The following FRMD5 variants were observed in gnomAD, a reference collection of about 807,000 sequenced individuals.
FRMD5 encodes FERM domain-containing protein 5.
FRMD5 carries 20 observed loss-of-function variants against 69.0 expected under a neutral mutation model. The observed-to-expected ratio is 0.29, with a 90% CI of 0.20 to 0.42. The LOEUF is 0.42. Among genes scored for constraint, FRMD5 ranks in the 10% least tolerant of loss-of-function variants. FRMD5 has a pLI of 1.00. For synonymous variants in FRMD5, 271 were observed against 260.1 expected (o/e 1.04, Z -0.40); for missense variants, 595 against 708.6 (o/e 0.84, Z 1.82).
intron 1 of FRMD5, among the ~76,000 whole-genome samples, chr15:44,108,103 A>G (rs1307566181): frequency 6.6e-6 from 1 of 152,246 alleles, no homozygotes; most frequent in Non-Finnish European, 1.5e-5. Context: ...GGTTTCTTAC[A>G]TTTTTAAAAG....
At chr15:43,984,540 A>G (rs1440259703) in intron 1 of FRMD5, among the ~76,000 whole-genome samples, 2 of 152,248 alleles carry the variant, frequency 1.3e-5, no homozygotes, top group Non-Finnish European at 2.9e-5. Context: ...CTGCTTTCCC[A>G]TTCACTACAG....
At chr15:43,893,131 A>C (rs549772428) in intron 7 of FRMD5, among the ~76,000 whole-genome samples, 35 of 151,434 alleles carry the variant, frequency 2.3e-4, no homozygotes, top group South Asian at 4.2e-4. Context: ...GAAAAAACAA[A>C]AAAAAAAAAA....
At chr15:44,000,241 T>A (rs1351411545) in intron 1 of FRMD5, among the ~76,000 whole-genome samples, 1 of 151,688 alleles carries the variant, frequency 6.6e-6, no homozygotes, top group Non-Finnish European at 1.5e-5. Flanking sequence ...TCCTGCTCAG[T>A]CTCCCAAAAT....
chr15:44,036,815 G>C (rs1891935391), intron 1 of FRMD5, among the ~76,000 whole-genome samples: 1 of 152,104 alleles, frequency 6.6e-6, no homozygotes. Context: ...AGCAGTGCTG[G>C]TGAGCATCCT....
intron 1 of FRMD5, among the ~76,000 whole-genome samples, chr15:44,148,510 A>T (rs1018015342): frequency 6.6e-6 from 1 of 152,076 alleles, no homozygotes; most frequent in African/African-American, 2.4e-5. Context: ...TGACCTCATG[A>T]TCCGCCCGCC....
chr15:44,077,185 A>G (rs546234258), intron 1 of FRMD5, among the ~76,000 whole-genome samples: 1 of 152,262 alleles, frequency 6.6e-6, no homozygotes, highest in East Asian at 1.9e-4. Context: ...TTTAGGAATA[A>G]ATTGTCATTA....
At chr15:44,059,512 T>C (rs1233958990) in intron 1 of FRMD5, among the ~76,000 whole-genome samples, 19 of 152,122 alleles carry the variant, frequency 1.2e-4, no homozygotes, top group Non-Finnish European at 1.5e-5. Context: ...GGTCACTATA[T>C]TTCTTTCTTT....
intron 1 of FRMD5, among the ~76,000 whole-genome samples, chr15:44,181,103 G>A (rs1442536353): frequency 6.6e-6 from 1 of 152,140 alleles, no homozygotes; most frequent in African/African-American, 2.4e-5. Context: ...ACAGTGGTCT[G>A]ATGACAACTC....
intron 1 of FRMD5, among the ~76,000 whole-genome samples, chr15:44,048,122 C>T (rs1892508162): frequency 6.6e-6 from 1 of 152,080 alleles, no homozygotes; most frequent in Non-Finnish European, 1.5e-5. Context: ...TAGAGTTTAA[C>T]TTATTGAGGA....
At chr15:44,138,299 A>G (rs1307305764) in intron 1 of FRMD5, among the ~76,000 whole-genome samples, 1 of 152,268 alleles carries the variant, frequency 6.6e-6, no homozygotes, top group East Asian at 1.9e-4. Context: ...AAAAATAGCC[A>G]TAAAACATAG....
chr15:43,918,420 G>C (rs2089434305), intron 4 of FRMD5, among the ~76,000 whole-genome samples: 1 of 152,146 alleles, frequency 6.6e-6, no homozygotes, highest in Admixed American at 6.6e-5. Flanking sequence ...GCGAAACTCT[G>C]TCTCAAAAAA....
chr15:43,874,422 C>T lies in FRMD5; in HGVS notation c.1176G>A (p.Val392=), dbSNP rs142028258. ...SLRDSAHSTP[V]RSTSHGDTFL... Reference sequence around the variant, plus strand: ...AGGTGTCCCCATGGGAAGTGGAACGCACTGGTGTGGAATGGGCACTGTCCC... The same window carrying T: ...AGGTGTCCCCATGGGAAGTGGAACGTACTGGTGTGGAATGGGCACTGTCCC... Residue 392 remains valine (V), a synonymous_variant, in exon 14 of 14, where the codon GTG becomes GTA. Transcript: ENST00000417257. 2 of 1,614,188 alleles carry T rather than the reference C, an allele frequency of 1.2e-6. No homozygotes were observed. The highest frequency in any genetic ancestry group is 1.1e-5 in the South Asian group (1 of 91,086).
At chr15:44,094,980 T>C (rs2076529874) in intron 1 of FRMD5, among the ~76,000 whole-genome samples, 1 of 152,018 alleles carries the variant, frequency 6.6e-6, no homozygotes, top group Non-Finnish European at 1.5e-5. Flanking sequence ...GATGCATTAC[T>C]CACTGGACCC....
At chr15:44,091,428 A>T (rs2076471623) in intron 1 of FRMD5, among the ~76,000 whole-genome samples, 1 of 152,208 alleles carries the variant, frequency 6.6e-6, no homozygotes. Context: ...CCTTAAGAAC[A>T]TAAAACATAA....
intron 1 of FRMD5, among the ~76,000 whole-genome samples, chr15:43,999,664 A>G (rs1467497946): frequency 3.3e-5 from 5 of 151,804 alleles, no homozygotes; most frequent in Non-Finnish European, 5.9e-5. Context: ...TAGATTCCAC[A>G]TATGTGAGAT....
intron 1 of FRMD5, among the ~76,000 whole-genome samples, chr15:44,045,899 C>G (rs1036980997): frequency 6.6e-6 from 1 of 152,170 alleles, no homozygotes; most frequent in African/African-American, 2.4e-5. Context: ...AGGGCTTGAA[C>G]AAGATCTGTT....
At chr15:44,076,006 G>C (rs1209581065) in intron 1 of FRMD5, among the ~76,000 whole-genome samples, 6 of 152,036 alleles carry the variant, frequency 3.9e-5, no homozygotes, top group African/African-American at 1.4e-4. Flanking sequence ...ACTTTTTGAT[G>C]GGGTTGTTTG....
chr15:43,968,248 G>T (rs2090325306), intron 1 of FRMD5, among the ~76,000 whole-genome samples: 1 of 151,896 alleles, frequency 6.6e-6, no homozygotes, highest in African/African-American at 2.4e-5. Context: ...CCCACATCAT[G>T]TCATAATCCT....
At chr15:43,921,676 G>C (rs1271275331) in intron 2 of FRMD5, among the ~76,000 whole-genome samples, 1 of 152,206 alleles carries the variant, frequency 6.6e-6, no homozygotes, top group Admixed American at 6.5e-5. Context: ...GGGATTAAAA[G>C]AAGAGGAAAA....
Sources: allele counts gnomAD v4.1 joint callset (sites outside exome capture counted in the v4.1 genomes callset), GRCh38; gene constraint gnomAD v4.1.1; transcripts MANE v1.5; gene names NCBI Gene and HGNC (gene_info 2026-07-23, HGNC 2026-07-21).